PSG2: variants seen among roughly 807,000 people sequenced by gnomAD.
The protein encoded by PSG2 is pregnancy specific beta-1-glycoprotein 2, also known as pregnancy-specific beta-1-glycoprotein 2.
A neutral mutation model predicts 36.2 loss-of-function variants in PSG2; 49 were observed. The ratio of observed to expected loss-of-function variants is 1.35; its 90% CI spans 1.08 to 1.72. The LOEUF is 1.72. PSG2 is among the 40% of genes most tolerant of loss of function. The probability of loss-of-function intolerance (pLI) is 0.00; values close to 1 mark genes in which losing one functional copy is unlikely to be tolerated. For synonymous variants in PSG2, 261 were observed against 155.6 expected (o/e 1.68, Z -5.04); for missense variants, 605 against 407.2 (o/e 1.49, Z -4.18).
At chr19:43,075,270 C>A in intron 3 of PSG2, 84 bp downstream of exon 3, 1 of 1,611,558 alleles carries the variant, frequency 6.2e-7, no homozygotes, top group African/African-American at 1.3e-5. Context: ...TGTACTTGGA[C>A]CTGAGAGGGA....
In PSG2 at chr19:43,066,591, C is replaced by G. The variant is rs374226869; in HGVS notation, c.974G>C (p.Arg325Thr). The G allele has an allele frequency of 2.5e-6, 4 of 1,599,590 alleles. No homozygotes were observed. Among genetic ancestry groups the G allele is most frequent in the African/African-American group, 2.7e-5 (2 of 73,980 alleles). The change falls in exon 5 of 6, where the codon AGA (arginine) becomes ACA (threonine). Residue 325 changes from arginine to threonine, a missense_variant. By Grantham distance (71) the Arg-to-Thr change is moderately conservative. Transcript: ENST00000406487. ...SLTVKVSAST[R>T]IGLLPLLNPT ...ATTAAGGAGAGGAAGAAGTCCTATT[C>G]TTGTAGAAGCTGTCATGGAAAGAAA...
rs1967881913 is a variant in PSG2, at chr19:43,075,513, C to A, written c.550G>T (p.Gly184Cys). ...CTATGAGTCATAGGGAGGCTCTGAC[C>A]ATTCATCCACCACTGGTAGCTTGTG... is the stretch of plus-strand genomic sequence containing the variant. ...PDTSYQWWMN[G>C]QSLPMTHRFQ... The change falls in exon 3 of 6, where the codon GGT becomes TGT. Residue 184 changes from glycine to cysteine, a missense_variant. Physicochemically the swap from Gly to Cys is radical, Grantham distance 159 (BLOSUM62 -3). Transcript: ENST00000406487. The A allele has an allele frequency of 2.5e-6, 4 of 1,613,242 alleles. No individual in the cohort carries two copies. Among genetic ancestry groups the A allele is most frequent in the Non-Finnish European group, 3.4e-6 (4 of 1,179,750 alleles).
intron 2 of PSG2, among the ~76,000 whole-genome samples, chr19:43,077,306 C>T (rs1241303901): frequency 1.3e-5 from 2 of 151,586 alleles, no homozygotes; most frequent in East Asian, 3.8e-4. Flanking sequence ...CAGAACTGGT[C>T]AGTGCATCAA....
At position 43,065,100 on chromosome 19, in the gene PSG2, C is replaced by G. The variant is rs538421851; in HGVS notation, c.*41-499G>C. Among the ~76,000 whole-genome samples, 21 of 151,860 alleles carry G rather than the reference C, an allele frequency of 1.4e-4. 1 individual carries two copies. Among genetic ancestry groups the G allele is most frequent in the African/African-American group, 3.4e-4 (14 of 41,250 alleles). On this transcript the variant is annotated intron_variant, in intron 5 of 5. Transcript: ENST00000406487. ...TCTACCCACCTCGGCCTCCCAAACT[C>G]CTGGGATTGCAGGCGTGAGCCATCG... is the stretch of plus-strand genomic sequence containing the variant.
intron 4 of PSG2, among the ~76,000 whole-genome samples, chr19:43,070,557 A>G (rs1454538219): frequency 6.6e-6 from 1 of 151,744 alleles, no homozygotes; most frequent in African/African-American, 2.4e-5. Context: ...AAATGGATGA[A>G]CCTTGAAGAT....
intron 2 of PSG2, among the ~76,000 whole-genome samples, chr19:43,078,423 T>C (rs1166595406): frequency 6.6e-6 from 1 of 151,788 alleles, no homozygotes; most frequent in Non-Finnish European, 1.5e-5. Context: ...TAATTGATCC[T>C]ATAGATAACA....
At position 43,080,961 on chromosome 19, in the gene PSG2, G is replaced by T. The variant is rs1224095634; in HGVS notation, c.350C>A (p.Ala117Glu). 6.2e-7 allele frequency: 1 copy of T among 1,613,046 alleles called. No homozygotes were observed. ...LLIQNVTRED[A>E]GSYTLHIIKR... ...TATGATGTGTAAGGTGTAGGATCCT[G>T]CGTCCTCCCGGGTGACATTCTGGAT... is the stretch of plus-strand genomic sequence containing the variant. The change falls in exon 2 of 6, where the codon GCA becomes GAA. Residue 117 changes from alanine (A) to glutamate (E), a missense_variant. Transcript: ENST00000406487.
At chr19:43,077,630 C>T (rs1967915762) in intron 2 of PSG2, among the ~76,000 whole-genome samples, 1 of 151,704 alleles carries the variant, frequency 6.6e-6, no homozygotes. Context: ...GGCAGTAAAA[C>T]CATCAGATAG....
intron 4 of PSG2, among the ~76,000 whole-genome samples, chr19:43,070,427 G>C (rs182928997): frequency 0.012 from 1,819 of 151,666 alleles, 92 homozygotes; most frequent in African/African-American, 0.042. Flanking sequence ...TCACACTAGC[G>C]AAAAAATGGA....
chr19:43,075,522 A>G lies in PSG2; in HGVS notation c.541T>C (p.Trp181Arg), dbSNP rs755502249. 6.2e-7 allele frequency: 1 copy of G among 1,613,128 alleles called. No individual in the cohort carries two copies. The highest frequency in any genetic ancestry group is 1.3e-5 in the African/African-American group (1 of 74,430). Reference protein sequence around the residue: ...PETPDTSYQWWMNGQSLPMTH... With the variant: ...PETPDTSYQWRMNGQSLPMTH... ...ATAGGGAGGCTCTGACCATTCATCCACCACTGGTAGCTTGTGTCCGGAGTC... is the reference window on the plus strand; with the variant it reads ...ATAGGGAGGCTCTGACCATTCATCCGCCACTGGTAGCTTGTGTCCGGAGTC... Residue 181 changes from tryptophan (W) to arginine (R), a missense_variant, in exon 3 of 6, where the codon TGG becomes CGG. By Grantham distance (101) the Trp-to-Arg change is moderately radical (BLOSUM62 -3). Transcript: ENST00000406487.
chr19:43,075,449 A>T lies in PSG2; in HGVS notation c.614T>A (p.Phe205Tyr). 6.2e-7 allele frequency: 1 copy of T among 1,613,130 alleles called. No homozygotes were observed. Among genetic ancestry groups the T allele is most frequent in the Non-Finnish European group, 8.5e-7 (1 of 1,179,664 alleles). ...TCCTGCAGTATACTTTGTGACACCA[A>T]ATAGAAAGAGGGTCCTGTTGGTTTC... ...LSETNRTLFL[F>Y]GVTKYTAGPY... is the part of the protein sequence containing the mutation. The change falls in exon 3 of 6, where the codon TTT becomes TAT. Residue 205 changes from phenylalanine to tyrosine, a missense_variant. Coordinates refer to ENST00000406487, the MANE Select transcript of PSG2 (RefSeq NM_031246.4).
chr19:43,072,487 G>T, intron 3 of PSG2: 1 of 1,611,084 alleles, frequency 6.2e-7, no homozygotes, highest in Non-Finnish European at 8.5e-7. Flanking sequence ...GCTTTACCCT[G>T]GGACTGACCG....
At chr19:43,072,325 C>T in intron 3 of PSG2, 1 of 1,610,680 alleles carries the variant, frequency 6.2e-7, no homozygotes, top group East Asian at 2.2e-5. Flanking sequence ...AGCTGGTGGC[C>T]TGGCCCACAG....
At chr19:43,076,498 C>T (rs542871129) in intron 2 of PSG2, among the ~76,000 whole-genome samples, 13 of 151,822 alleles carry the variant, frequency 8.6e-5, no homozygotes, top group South Asian at 4.2e-4. Flanking sequence ...GGAAGTCTGG[C>T]CCTCATGGAC....
chr19:43,074,094 G>T (rs547617256), intron 3 of PSG2, among the ~76,000 whole-genome samples: 2 of 151,654 alleles, frequency 1.3e-5, no homozygotes, highest in African/African-American at 4.9e-5. Context: ...TGTGAGAAAG[G>T]CTGATTGCTA....
At chr19:43,081,301 A>G in intron 1 of PSG2, 55 bp from the exon 2 acceptor site, 2 of 1,569,558 alleles carry the variant, frequency 1.3e-6, no homozygotes, top group Non-Finnish European at 1.7e-6. Context: ...TGGGGTGAAA[A>G]GATGGGGCCC....
At position 43,082,617 on chromosome 19, in the gene PSG2, C is replaced by T. The variant is rs1461571771; in HGVS notation, c.-48G>A. ...TCCTCTGTGGAGATGAGCCTAGGATCCAGAAACTTCCTGAGCACGGCTGTC... is the reference window on the plus strand; with the variant it reads ...TCCTCTGTGGAGATGAGCCTAGGATTCAGAAACTTCCTGAGCACGGCTGTC... On this transcript the variant is annotated 5_prime_UTR_variant, in exon 1 of 6. Coordinates refer to ENST00000406487, the MANE Select transcript of PSG2 (RefSeq NM_031246.4). 1 of 1,601,696 alleles carries T rather than the reference C, an allele frequency of 6.2e-7. No individual in the cohort carries two copies. Among genetic ancestry groups the T allele is most frequent in the African/African-American group, 1.4e-5 (1 of 73,754 alleles).
At chr19:43,065,312 A>G (rs557352426) in intron 5 of PSG2, among the ~76,000 whole-genome samples, 1 of 151,826 alleles carries the variant, frequency 6.6e-6, no homozygotes, top group East Asian at 1.9e-4. Flanking sequence ...ATTCATAAAT[A>G]GGGCCAAAAA....
At chr19:43,082,193 T>C in intron 1 of PSG2, 1 of 234,666 alleles carries the variant, frequency 4.3e-6, no homozygotes, top group South Asian at 5.1e-5. Flanking sequence ...CAGGCTGGTA[T>C]GCAGTGGCGC....
Sources: allele counts gnomAD v4.1 joint callset (sites outside exome capture counted in the v4.1 genomes callset), GRCh38; gene constraint gnomAD v4.1.1; transcripts MANE v1.5; gene names NCBI Gene and HGNC (gene_info 2026-07-23, HGNC 2026-07-21).